Variants in XIRP2 observed in about 807,000 individuals in gnomAD.
XIRP2 encodes xin actin binding repeat containing 2.
Under a neutral mutation model 277.0 loss-of-function variants are expected in XIRP2, and 236 were observed. The observed-to-expected ratio is 0.85, with a 90% CI of 0.77 to 0.95. The LOEUF (loss-of-function observed/expected upper bound fraction) is 0.95. XIRP2 is among the 40% of genes least tolerant of loss of function. The pLI is 0.00. For missense variants in XIRP2, 4,640 were observed against 4,157.5 expected (o/e 1.12, Z -3.19); for synonymous variants, 1,490 against 1,416.5 (o/e 1.05, Z -1.17).
chr2:167,092,311 T>C (rs549316529), intron 2 of XIRP2, among the ~76,000 whole-genome samples: 132 of 152,270 alleles, frequency 8.7e-4, no homozygotes, highest in Non-Finnish European at 1.3e-3. Context: ...CATTAACAAT[T>C]GCAAAGGCTT....
chr2:167,240,364 G>A lies in XIRP2; in HGVS notation c.970-300G>A, dbSNP rs112179264. ...CGGGAGGCGGAGGTTGCAGTGAGCC[G>A]AGTTCGCGCCATTGCACTCCAGCCC... On this transcript the variant is annotated intron_variant, in intron 6 of 10. Coordinates refer to ENST00000409195, the MANE Select transcript of XIRP2 (RefSeq NM_152381.6). Among the ~76,000 whole-genome samples the A allele has an allele frequency of 4.1e-3, 627 of 152,182 alleles. 5 individuals are homozygous for A. Among genetic ancestry groups the A allele is most frequent in the African/African-American group, 0.015 (611 of 41,524 alleles).
intron 3 of XIRP2, among the ~76,000 whole-genome samples, chr2:167,201,344 AGAAGGAAG>A (rs374953132): frequency 9.7e-6 from 1 of 103,152 alleles, no homozygotes; most frequent in Non-Finnish European, 1.9e-5. Context: ...AAGGAAGGAA[AGAAGGAAG>A]GAAGGAAGGA....
chr2:166,907,580 A>G (rs371507029), intron 2 of XIRP2, among the ~76,000 whole-genome samples: 86 of 151,178 alleles, frequency 5.7e-4, no homozygotes, highest in African/African-American at 1.9e-3. Context: ...CTCCTCAGGT[A>G]GGTTACCCAG....
chr2:167,241,727 A>G, intron 7 of XIRP2, 50 bp from the exon 8 acceptor site: 1 of 1,555,230 alleles, frequency 6.4e-7, no homozygotes, highest in Non-Finnish European at 8.7e-7. Flanking sequence ...CTTCTTAAAC[A>G]TAATTTTTAG....
At chr2:167,028,589 A>G (rs992684677) in intron 2 of XIRP2, among the ~76,000 whole-genome samples, 6 of 152,090 alleles carry the variant, frequency 3.9e-5, no homozygotes, top group African/African-American at 1.2e-4. Context: ...AAGCCTTCCC[A>G]AGACAGGTAC....
At chr2:166,974,622 A>G (rs924219628) in intron 2 of XIRP2, among the ~76,000 whole-genome samples, 12 of 152,064 alleles carry the variant, frequency 7.9e-5, no homozygotes, top group African/African-American at 2.7e-4. Flanking sequence ...AACAGTAGCA[A>G]TGCTTCTAGA....
Position 167,248,487 on chromosome 2 carries a change from G to C in XIRP2, c.7095G>C (p.Pro2365=). Reference sequence around the variant, plus strand: ...GAGAAAGTTCATCGATGTTTCTGCCGCCTCCTCCTCCTCCAACTCCATCTC... The same window carrying C: ...GAGAAAGTTCATCGATGTTTCTGCCCCCTCCTCCTCCTCCAACTCCATCTC... ...SERESSSMFL[P]PPPPPTPSQK... The change falls in exon 9 of 11, where the codon CCG becomes CCC. Residue 2365 remains proline (P), a synonymous_variant. Transcript: ENST00000409195. 6.2e-7 allele frequency: 1 copy of C among 1,613,332 alleles called. No homozygotes were observed. The highest frequency in any genetic ancestry group is 8.5e-7 in the Non-Finnish European group (1 of 1,179,640).
chr2:167,223,873 C>T (rs907059767), intron 5 of XIRP2, among the ~76,000 whole-genome samples: 1 of 152,162 alleles, frequency 6.6e-6, no homozygotes, highest in Non-Finnish European at 1.5e-5. Flanking sequence ...GTAATTGGGG[C>T]TGCTGGCTCT....
chr2:167,171,140 T>A (rs1692678825), intron 3 of XIRP2, among the ~76,000 whole-genome samples: 1 of 152,108 alleles, frequency 6.6e-6, no homozygotes, highest in Admixed American at 6.5e-5. Flanking sequence ...CCTCAGGTGA[T>A]CTGTCCACCT....
At chr2:167,062,361 G>C (rs1290705997) in intron 2 of XIRP2, among the ~76,000 whole-genome samples, 1 of 152,130 alleles carries the variant, frequency 6.6e-6, no homozygotes, top group Non-Finnish European at 1.5e-5. Flanking sequence ...TAGCATCTGC[G>C]ACTGATTTCA....
chr2:167,122,301 T>C (rs1301316947), intron 2 of XIRP2, among the ~76,000 whole-genome samples: 1 of 152,188 alleles, frequency 6.6e-6, no homozygotes, highest in Non-Finnish European at 1.5e-5. Flanking sequence ...ACTAGAATTG[T>C]AGCTTTTCTG....
chr2:166,951,821 A>C (rs1339551340), intron 2 of XIRP2, among the ~76,000 whole-genome samples: 1 of 152,044 alleles, frequency 6.6e-6, no homozygotes, highest in Non-Finnish European at 1.5e-5. Context: ...AACACTTTTC[A>C]TGCTCCTAAC....
intron 2 of XIRP2, among the ~76,000 whole-genome samples, chr2:167,033,931 G>A (rs1433412549): frequency 6.6e-6 from 1 of 152,162 alleles, no homozygotes; most frequent in Non-Finnish European, 1.5e-5. Flanking sequence ...GAAATTAGCT[G>A]AAGGTTGAAA....
At chr2:167,001,636 A>G (rs1374413172) in intron 2 of XIRP2, among the ~76,000 whole-genome samples, 1 of 152,126 alleles carries the variant, frequency 6.6e-6, no homozygotes, top group Non-Finnish European at 1.5e-5. Context: ...AACCTGCATT[A>G]TTAGTTAACT....
At chr2:167,066,908 G>C (rs1689315800) in intron 2 of XIRP2, among the ~76,000 whole-genome samples, 1 of 152,020 alleles carries the variant, frequency 6.6e-6, no homozygotes, top group African/African-American at 2.4e-5. Context: ...TAAGAAATCT[G>C]TGATAATTCT....
intron 2 of XIRP2, among the ~76,000 whole-genome samples, chr2:167,128,457 G>A (rs953177818): frequency 2.0e-5 from 3 of 152,074 alleles, no homozygotes; most frequent in African/African-American, 7.2e-5. Context: ...TTGGCGAGCT[G>A]GGAAACCCGT....
At chr2:166,934,977 G>C (rs1340362869) in intron 2 of XIRP2, among the ~76,000 whole-genome samples, 5 of 152,242 alleles carry the variant, frequency 3.3e-5, no homozygotes, top group Non-Finnish European at 7.4e-5. Context: ...GTTGCAGTGA[G>C]CTGAGATTGT....
rs138807860 is a variant in XIRP2, at chr2:167,148,142, G to A, written c.562+12080G>A. Among the ~76,000 whole-genome samples, 463 of 152,154 alleles carry A rather than the reference G, an allele frequency of 3.0e-3. 14 individuals carry two copies. In the East Asian group the frequency reaches 0.064, roughly 21 times the overall value. ...CACGACTGTAACCTCAGCACTTTGG[G>A]AGGTCGAGGCAGGTGGATCACCTGA... On this transcript the variant is annotated intron_variant, in intron 3 of 10. Transcript: ENST00000409195.
intron 3 of XIRP2, chr2:167,187,485 A>G: frequency 2.0e-6 from 2 of 985,324 alleles, no homozygotes; most frequent in Non-Finnish European, 2.4e-6. Flanking sequence ...CTATAAAGAT[A>G]TATGATATTT....
Sources: gnomAD v4.1 joint callset for allele counts (sites outside exome capture counted in the v4.1 genomes callset) on GRCh38, gnomAD v4.1.1 for gene constraint, MANE v1.5 for transcripts, NCBI Gene and HGNC (gene_info 2026-07-23, HGNC 2026-07-21) for gene names.